The following CRYBA4 variants were observed in gnomAD, a reference collection of about 807,000 sequenced individuals.
CRYBA4 encodes crystallin beta A4.
Under a neutral mutation model 31.7 loss-of-function variants are expected in CRYBA4, and 30 were observed. The observed-to-expected ratio is 0.95, with a 90% confidence interval of 0.71 to 1.28. The LOEUF (loss-of-function observed/expected upper bound fraction) is 1.28. CRYBA4 is among the 50% of genes most tolerant of loss of function. The pLI, the probability that CRYBA4 is intolerant of heterozygous loss-of-function variation, is 0.00. For synonymous variants in CRYBA4, 102 were observed against 102.3 expected (o/e 1.00, Z 0.02); for missense variants, 225 against 260.7 (o/e 0.86, Z 0.94).
chr22:26,628,838 T>C (rs956797835), intron 5 of CRYBA4, among the ~76,000 whole-genome samples: 2 of 152,162 alleles, frequency 1.3e-5, no homozygotes, highest in Admixed American at 1.3e-4. Flanking sequence ...AGTGATTCTA[T>C]TAAAGGTTCC....
the CRYBA4 span, among the ~76,000 whole-genome samples, chr22:26,601,440 T>A: frequency 1.3e-5 from 2 of 152,078 alleles, no homozygotes; most frequent in Admixed American, 1.3e-4. Context: ...TTCCTCAGCA[T>A]GTCAGTAGCA....
chr22:26,627,815 A>AT (rs1351090735), intron 4 of CRYBA4, among the ~76,000 whole-genome samples: 1 of 151,834 alleles, frequency 6.6e-6, no homozygotes, highest in African/African-American at 2.4e-5. Context: ...CGCTTGGCTA[A>AT]TTTTTTGTAT....
intron 4 of CRYBA4, among the ~76,000 whole-genome samples, chr22:26,626,428 A>AAAAC (rs572307861): frequency 9.2e-4 from 140 of 152,334 alleles, no homozygotes; most frequent in Middle Eastern, 3.4e-3. Context: ...CAAAAAAACA[A>AAAAC]AAACAAACAA....
At chr22:26,630,025 A>C (rs532474291) in intron 5 of CRYBA4, among the ~76,000 whole-genome samples, 3 of 152,370 alleles carry the variant, frequency 2.0e-5, no homozygotes, top group South Asian at 4.1e-4. Flanking sequence ...ATCGAATTAC[A>C]TGAGTGCTAC....
At chr22:26,623,023 C>A (rs1426808598) in intron 2 of CRYBA4, among the ~76,000 whole-genome samples, 1 of 152,248 alleles carries the variant, frequency 6.6e-6, no homozygotes, top group African/African-American at 2.4e-5. Context: ...ACTTGGCAAC[C>A]ATTGGTGGCA....
the CRYBA4 span, among the ~76,000 whole-genome samples, chr22:26,606,019 T>G: frequency 1.3e-5 from 2 of 152,232 alleles, no homozygotes; most frequent in Non-Finnish European, 2.9e-5. Flanking sequence ...AGATTTTTTT[T>G]GCAATTGTTT....
upstream of CRYBA4, among the ~76,000 whole-genome samples, chr22:26,620,849 C>A (rs1929510190): frequency 6.6e-6 from 1 of 152,186 alleles, no homozygotes; most frequent in African/African-American, 2.4e-5. Context: ...AGGCGTGAGC[C>A]ATTGCGCCCA....
the CRYBA4 span, chr22:26,599,719 T>A: frequency 6.5e-7 from 1 of 1,527,768 alleles, no homozygotes; most frequent in Non-Finnish European, 9.1e-7. Flanking sequence ...CCTGTCTCGT[T>A]GCCTGGCACC....
At position 26,625,636 on chromosome 22, in the gene CRYBA4, C is replaced by T. The variant is rs753066244; in HGVS notation, c.300+14C>T. On this transcript the variant is annotated intron_variant, in intron 4 of 5. Transcript: ENST00000354760. ...GCGGCCTGTGCTGTAAGTTCTACCA[C>T]TGCTGCATCCCGGGGAGGCCCAAGC... The T allele has an allele frequency of 6.2e-7, 1 of 1,613,224 alleles. No homozygotes were observed. Among genetic ancestry groups the T allele is most frequent in the East Asian group, 2.2e-5 (1 of 44,878 alleles).
upstream of CRYBA4, among the ~76,000 whole-genome samples, chr22:26,619,571 C>T (rs74850745): frequency 0.032 from 4,899 of 152,206 alleles, 236 homozygotes; most frequent in African/African-American, 0.11. Flanking sequence ...CTAGGCTCCC[C>T]GTGGAGCCCA....
intron 3 of CRYBA4, among the ~76,000 whole-genome samples, chr22:26,624,933 G>A (rs1295812815): frequency 1.3e-5 from 2 of 152,194 alleles, no homozygotes; most frequent in Non-Finnish European, 2.9e-5. Flanking sequence ...CAGATGAGGG[G>A]CTGCCTCGTG....
At chr22:26,618,350 G>C (rs191927868), upstream of CRYBA4, among the ~76,000 whole-genome samples, 1 of 152,364 alleles carries the variant, frequency 6.6e-6, no homozygotes, top group East Asian at 1.9e-4. Context: ...GGAGGCAGGA[G>C]ACCAGAGTTT....
the CRYBA4 span, among the ~76,000 whole-genome samples, chr22:26,613,044 A>G: frequency 6.6e-6 from 1 of 152,138 alleles, no homozygotes; most frequent in Non-Finnish European, 1.5e-5. Flanking sequence ...GGACTCCTCC[A>G]GGGCAGGGCC....
At chr22:26,605,628 G>C in the CRYBA4 span, among the ~76,000 whole-genome samples, 1 of 137,018 alleles carries the variant, frequency 7.3e-6, no homozygotes, top group South Asian at 2.5e-4. Flanking sequence ...GAGCCAGAAC[G>C]TGCCACTACA....
At chr22:26,629,510 G>A (rs2145985448) in intron 5 of CRYBA4, among the ~76,000 whole-genome samples, 1 of 152,128 alleles carries the variant, frequency 6.6e-6, no homozygotes, top group South Asian at 2.1e-4. Context: ...GGGAGGCTGA[G>A]GTGGGCGGAT....
the CRYBA4 span, among the ~76,000 whole-genome samples, chr22:26,605,969 T>C: frequency 6.6e-6 from 1 of 152,312 alleles, no homozygotes; most frequent in Admixed American, 6.5e-5. Context: ...GCTTTGAATG[T>C]GGCCCAACAC....
Position 26,630,581 on chromosome 22 carries a change from T to A in CRYBA4, c.*94T>A. ...TGTTCTCTCCTTCTGCCTCCCCCTG[T>A]AACCTGTGTGAACCCAGCACCCATG... On this transcript the variant is annotated 3_prime_UTR_variant, in exon 6 of 6. Coordinates refer to ENST00000354760, the MANE Select transcript of CRYBA4 (RefSeq NM_001886.3). 8.9e-7 allele frequency: 1 copy of A among 1,123,962 alleles called. No homozygotes were observed. Among genetic ancestry groups the A allele is most frequent in the Non-Finnish European group, 1.3e-6 (1 of 769,798 alleles). 69.6% of individuals were successfully genotyped at this position (1,123,962 alleles called of 1,614,324 possible). A position where few individuals can be genotyped will look rare whatever the true frequency, so the allele number is the denominator to read the frequency against.
At chr22:26,602,089 G>A in the CRYBA4 span, 1 of 1,589,768 alleles carries the variant, frequency 6.3e-7, no homozygotes, top group Admixed American at 1.7e-5. Context: ...ACTTAGCGGG[G>A]CCTTCTGGGT....
At chr22:26,590,311 C>T in the CRYBA4 span, 1 of 152,150 alleles carries the variant, frequency 6.6e-6, no homozygotes, top group Non-Finnish European at 1.5e-5. Flanking sequence ...CCCTGGAAGC[C>T]CCTGTCTGCT....
Sources: gnomAD v4.1 joint callset for allele counts (sites outside exome capture counted in the v4.1 genomes callset) on GRCh38, gnomAD v4.1.1 for gene constraint, MANE v1.5 for transcripts, NCBI Gene and HGNC (gene_info 2026-07-23, HGNC 2026-07-21) for gene names.